DCTN1: variants seen among roughly 807,000 people sequenced by gnomAD.
DCTN1 encodes dynactin subunit 1, also known as 150 kDa dynein-associated polypeptide.
A neutral mutation model predicts 161.2 loss-of-function variants in DCTN1; 61 were observed. That is an observed-to-expected ratio of 0.38 (90% CI 0.31 to 0.47). The LOEUF (loss-of-function observed/expected upper bound fraction) is 0.47. DCTN1 is among the 20% of genes least tolerant of loss of function. The pLI, the probability that DCTN1 is intolerant of heterozygous loss-of-function variation, is 0.99. For missense variants in DCTN1, 1,404 were observed against 1,623.7 expected, an observed-to-expected ratio of 0.86 and a Z score of 2.33; for synonymous variants, 653 against 632.4, an observed-to-expected ratio of 1.03 and a Z score of -0.49.
intron 1 of DCTN1, among the ~76,000 whole-genome samples, chr2:74,390,216 C>T (rs60949068): frequency 6.6e-6 from 1 of 152,090 alleles, no homozygotes; most frequent in Admixed American, 6.5e-5. Context: ...AAATACAATT[C>T]CGCTTAGAAA....
intron 6 of DCTN1, chr2:74,373,298 T>G (rs2103685207): frequency 2.6e-6 from 1 of 381,578 alleles, no homozygotes; most frequent in South Asian, 2.3e-5. Flanking sequence ...GTCCTCCTGC[T>G]AACGATCTCT....
In DCTN1 at chr2:74,370,555, T is replaced by C. The variant is rs746044551; in HGVS notation, c.1049-11A>G. The C allele has an allele frequency of 9.9e-6, 16 of 1,613,938 alleles. No homozygotes were observed. The South Asian group carries it at 1.4e-4, about 14-fold the overall frequency. ...CAGCGCCATCTGAGCCTGGAGAAGATCATTAACACTTTCAGGCATGGTTCT... is the reference window on the plus strand; with the variant it reads ...CAGCGCCATCTGAGCCTGGAGAAGACCATTAACACTTTCAGGCATGGTTCT... On this transcript the variant is annotated splice_polypyrimidine_tract_variant and intron_variant, in intron 10 of 31. Transcript: ENST00000628224. The surrounding 1 kb of genome is among the most constrained non-coding windows in gnomAD (Gnocchi z 4.4).
At chr2:74,386,621 C>T (rs1421109052) in intron 1 of DCTN1, 3 of 152,242 alleles carry the variant, frequency 2.0e-5, no homozygotes, top group Non-Finnish European at 4.4e-5. Flanking sequence ...CAAGTCCTTA[C>T]TCCCACCCAA....
chr2:74,382,975 T>C (rs1675576968), upstream of DCTN1, among the ~76,000 whole-genome samples: 1 of 150,958 alleles, frequency 6.6e-6, no homozygotes, highest in African/African-American at 2.4e-5. Context: ...CTCGGGAGGC[T>C]GAGGCAGGAG....
At chr2:74,364,981 G>A in intron 26 of DCTN1, 94 bp downstream of exon 26, 3 of 1,532,564 alleles carry the variant, frequency 2.0e-6, no homozygotes, top group Non-Finnish European at 1.8e-6. Flanking sequence ...AATACCCGGG[G>A]GTAAGGGGGG....
chr2:74,376,454 C>T (rs1325346880), intron 5 of DCTN1, among the ~76,000 whole-genome samples: 1 of 152,252 alleles, frequency 6.6e-6, no homozygotes, highest in Non-Finnish European at 1.5e-5. Flanking sequence ...CTATTTCACA[C>T]TGCTGCTATT....
rs376816962 is a variant in DCTN1 at position 74,366,361 on chromosome 2, G to A, written c.2643C>T (p.Pro881=). ...GCAGACACTCATAGGGGCTGCTGGAGGGGGTCCCATAGATCTGCAGGAGCC... is the reference window on the plus strand; with the variant it reads ...GCAGACACTCATAGGGGCTGCTGGAAGGGGTCCCATAGATCTGCAGGAGCC... ...FKASEQIYGT[P]SSSPYECLRQ... is the part of the protein sequence containing the mutation. The change falls in exon 23 of 32, where the codon CCC becomes CCT. Residue 881 remains proline, a synonymous_variant. Coordinates refer to ENST00000628224, the MANE Select transcript of DCTN1 (RefSeq NM_004082.5). The A allele has an allele frequency of 5.0e-6, 8 of 1,614,136 alleles. 1 individual carries two copies. In the South Asian group the frequency reaches 6.6e-5, roughly 13 times the overall value.
At chr2:74,362,813 GA>G in intron 29 of DCTN1, 84 bp from the exon 30 acceptor site, 1 of 1,402,356 alleles carries the variant, frequency 7.1e-7, no homozygotes. Flanking sequence ...GCAGGTATAA[GA>G]CTCTCTAACA....
rs760504757 is a variant in DCTN1 at position 74,363,638 on chromosome 2, G to C, written c.3197-10C>G. On this transcript the variant is annotated splice_polypyrimidine_tract_variant and intron_variant, in intron 26 of 31. Transcript: ENST00000628224. ...CCTCGCTGCTGTTCTTCTGTGCTCG[G>C]GATAGCCCATGGGGGAGCAGGAAAA... 6 of 1,613,676 alleles carry C rather than the reference G, an allele frequency of 3.7e-6. No individual in the cohort carries two copies. Among genetic ancestry groups the C allele is most frequent in the Non-Finnish European group, 4.2e-6 (5 of 1,179,828 alleles).
chr2:74,383,232 C>T (rs977032257), upstream of DCTN1, among the ~76,000 whole-genome samples: 1 of 152,230 alleles, frequency 6.6e-6, no homozygotes, highest in Admixed American at 6.5e-5. Flanking sequence ...GCTGAAGTAA[C>T]GAATTGTAGA....
intron 1 of DCTN1, among the ~76,000 whole-genome samples, chr2:74,390,186 T>G (rs1159000546): frequency 6.6e-6 from 1 of 152,192 alleles, no homozygotes; most frequent in Non-Finnish European, 1.5e-5. Flanking sequence ...AAGGGATTTC[T>G]TAAACATAAT....
At chr2:74,367,594 G>A (rs538407155) in intron 18 of DCTN1, 102 bp downstream of exon 18, 84 of 1,571,880 alleles carry the variant, frequency 5.3e-5, no homozygotes, top group Non-Finnish European at 7.3e-5. Context: ...CAGGCCTCAA[G>A]CAGCAAGCAT....
In DCTN1 at chr2:74,365,256, C is replaced by A. The variant is rs1295236208; in HGVS notation, c.3030-15G>T. 6.2e-7 allele frequency: 1 copy of A among 1,614,106 alleles called. No homozygotes were observed. Among genetic ancestry groups the A allele is most frequent in the Non-Finnish European group, 8.5e-7 (1 of 1,179,998 alleles). On this transcript the variant is annotated splice_polypyrimidine_tract_variant and intron_variant, in intron 25 of 31. Coordinates refer to ENST00000628224, the MANE Select transcript of DCTN1 (RefSeq NM_004082.5). ...CCTCAAACTCTCTGTGAAAGAGAAT[C>A]TGGGCTTTGGCAGTGTCCCTTCTCT...
intron 1 of DCTN1, chr2:74,386,462 G>A (rs1675737615): frequency 6.6e-6 from 1 of 152,164 alleles, no homozygotes; most frequent in South Asian, 2.1e-4. Context: ...CTCAATAAAT[G>A]TCAGCCATTA....
In DCTN1 at chr2:74,366,480, C is replaced by T. The variant is rs757526119; in HGVS notation, c.2607G>A (p.Leu869=). 1 of 1,614,190 alleles carries T rather than the reference C, an allele frequency of 6.2e-7. No individual in the cohort carries two copies. The highest frequency in any genetic ancestry group is 2.2e-5 in the East Asian group (1 of 44,884). ...EGLLVAALEE[L]AFKASEQIYG... ...CCACCTGCTCGCTTGCTTTGAAAGC[C>T]AGTTCCTCCAGAGCAGCCACAAGTA... is the stretch of plus-strand genomic sequence containing the variant. Residue 869 remains leucine (L), a synonymous_variant, in exon 22 of 32, where the codon CTG becomes CTA. Coordinates refer to ENST00000628224, the MANE Select transcript of DCTN1 (RefSeq NM_004082.5).
rs571470070 is a variant in DCTN1, at chr2:74,367,370, C to A, written c.2235G>T (p.Gln745His). ...ACTTCACCTTAATGTGGTCAGCCAG[C>A]TGCATAGTACAGTCCTCAGGCTGTT... ...LAEQPEDCTMQLADHIKFTQS... is the reference protein window; with the variant it reads ...LAEQPEDCTMHLADHIKFTQS... The change falls in exon 19 of 32, where the codon CAG becomes CAT. Residue 745 changes from glutamine (Q) to histidine (H), a missense_variant. Gln to His is a conservative substitution (Grantham distance 24). Coordinates refer to ENST00000628224, the MANE Select transcript of DCTN1 (RefSeq NM_004082.5). 4 of 1,614,182 alleles carry A rather than the reference C, an allele frequency of 2.5e-6. No homozygotes were observed. The African/African-American group carries it at 5.3e-5, about 22-fold the overall frequency.
chr2:74,381,478 A>T (rs1191566275), upstream of DCTN1, among the ~76,000 whole-genome samples: 2 of 152,212 alleles, frequency 1.3e-5, no homozygotes, highest in African/African-American at 2.4e-5. Context: ...AGTCCTGGCC[A>T]GACCCCCTAG....
chr2:74,363,329 T>C lies in DCTN1; in HGVS notation c.3310A>G (p.Ile1104Val), dbSNP rs746749814. ...CTGTTCTCATGCTGGAGCTGGGAGA[T>C]GTGCAGCCTCATGGCAGAGATCTGC... ...LQQISAMRLH[I>V]SQLQHENSIL... The change falls in exon 28 of 32, where the codon ATC becomes GTC. Residue 1104 changes from isoleucine to valine, a missense_variant. By Grantham distance (29) the Ile-to-Val change is conservative. Transcript: ENST00000628224. 5 of 1,613,682 alleles carry C rather than the reference T, an allele frequency of 3.1e-6. No individual in the cohort carries two copies. Among genetic ancestry groups the C allele is most frequent in the Non-Finnish European group, 4.2e-6 (5 of 1,179,840 alleles).
rs1674488731 is a variant in DCTN1 at position 74,367,246 on chromosome 2, C to T, written c.2253+106G>A. The T allele has an allele frequency of 3.2e-6, 5 of 1,539,680 alleles. No homozygotes were observed. In the South Asian group the frequency reaches 4.6e-5, roughly 14 times the overall value. On this transcript the variant is annotated intron_variant, in intron 19 of 31. Transcript: ENST00000628224. ...AGTTTCCCTGATATGGCTTTGGTAA[C>T]TCTGCCCTAGTCTTATGTGACACTT...
Sources: gnomAD v4.1 joint callset for allele counts (sites outside exome capture counted in the v4.1 genomes callset) on GRCh38, gnomAD v4.1.1 for gene constraint, Gnocchi (gnomAD v3.1) non-coding constraint, MANE v1.5 for transcripts, NCBI Gene and HGNC (gene_info 2026-07-23, HGNC 2026-07-21) for gene names.